TENT2: variants seen among roughly 807,000 people sequenced by gnomAD.
The protein encoded by TENT2 is poly(A) RNA polymerase GLD2.
A neutral mutation model predicts 72.2 loss-of-function variants in TENT2; 44 were observed. The ratio of observed to expected loss-of-function variants is 0.61; its 90% CI spans 0.48 to 0.78. The LOEUF (loss-of-function observed/expected upper bound fraction) is 0.78. TENT2 is among the 30% of genes least tolerant of loss of function. The pLI is 0.00. For missense variants in TENT2, 541 were observed against 569.6 expected (o/e 0.95, Z 0.51); for synonymous variants, 212 against 192.5 (o/e 1.10, Z -0.84).
chr5:79,665,314 T>G (rs533642444), intron 11 of TENT2, among the ~76,000 whole-genome samples: 1 of 152,324 alleles, frequency 6.6e-6, no homozygotes, highest in African/African-American at 2.4e-5. Flanking sequence ...CATCTTTGAC[T>G]TAAGCCTTTC....
At chr5:79,626,037 C>T (rs1429309480) in intron 4 of TENT2, among the ~76,000 whole-genome samples, 1 of 151,832 alleles carries the variant, frequency 6.6e-6, no homozygotes, top group Non-Finnish European at 1.5e-5. Context: ...CCATGTTGGT[C>T]AGGCTGGTCT....
At chr5:79,632,276 A>G (rs1226857381) in intron 4 of TENT2, among the ~76,000 whole-genome samples, 1 of 152,226 alleles carries the variant, frequency 6.6e-6, no homozygotes, top group East Asian at 1.9e-4. Flanking sequence ...GGATAAACAT[A>G]AAGAATTGAA....
chr5:79,648,919 C>A, intron 9 of TENT2, 143 bp from the exon 10 acceptor site: 2 of 1,014,866 alleles, frequency 2.0e-6, no homozygotes, highest in Non-Finnish European at 2.8e-6. Flanking sequence ...AAGTTTTAGA[C>A]ATAAGACACA....
intron 5 of TENT2, 29 bp from the exon 6 acceptor site, chr5:79,641,076 A>T: frequency 1.3e-6 from 2 of 1,530,984 alleles, no homozygotes; most frequent in South Asian, 1.3e-5. Context: ...GATTTTAAAT[A>T]CTCTTATTAC....
chr5:79,674,420 A>G (rs1161302493), intron 12 of TENT2, among the ~76,000 whole-genome samples: 1 of 152,082 alleles, frequency 6.6e-6, no homozygotes, highest in Non-Finnish European at 1.5e-5. Context: ...AACAAACAAA[A>G]TGTGAGGGGA....
chr5:79,637,402 CT>C (rs781335790), intron 4 of TENT2, among the ~76,000 whole-genome samples: 3 of 151,894 alleles, frequency 2.0e-5, no homozygotes, highest in African/African-American at 7.3e-5. Flanking sequence ...TTTGAGATGG[CT>C]TTTTCTGTAC....
At chr5:79,656,934 G>C in intron 10 of TENT2, 24 bp from the exon 11 acceptor site, 1 of 1,585,776 alleles carries the variant, frequency 6.3e-7, no homozygotes, top group East Asian at 2.3e-5. Flanking sequence ...AATCACGGAA[G>C]CTTTAAACTT....
At chr5:79,654,582 G>A (rs928503792) in intron 10 of TENT2, among the ~76,000 whole-genome samples, 2 of 152,018 alleles carry the variant, frequency 1.3e-5, no homozygotes, top group African/African-American at 4.8e-5. Flanking sequence ...TGGCCAACGT[G>A]GCGAAACCCT....
In TENT2 at chr5:79,615,709, C is replaced by CTT. The variant is rs368937590; in HGVS notation, c.-38+2645_-38+2646dup. ...TGGCAATCCAAGATTTTTCTTTTTT[C>CTT]TTTTTTTTTTTTGTTTTTGAGACAG... On this transcript the variant is annotated intron_variant, in intron 1 of 14. Transcript: ENST00000453514. Among the ~76,000 whole-genome samples the CTT allele has an allele frequency of 2.2e-3, 312 of 145,004 alleles. 3 individuals are homozygous for CTT. Among genetic ancestry groups the CTT allele is most frequent in the African/African-American group, 7.1e-3 (283 of 39,790 alleles).
chr5:79,621,568 C>A lies in TENT2; in HGVS notation c.227+1485C>A, dbSNP rs547219764. Among the ~76,000 whole-genome samples the A allele has an allele frequency of 4.7e-3, 721 of 151,902 alleles. 3 individuals are homozygous for A. Among genetic ancestry groups the A allele is most frequent in the African/African-American group, 0.017 (693 of 41,450 alleles). ...GGTCAGGAGATCGAGACCATCCTGG[C>A]TAACACAGTGAAACCCCATCTCTAC... On this transcript the variant is annotated intron_variant, in intron 3 of 14. Transcript: ENST00000453514.
intron 4 of TENT2, among the ~76,000 whole-genome samples, chr5:79,637,972 G>A (rs988264730): frequency 1.3e-5 from 2 of 151,602 alleles, no homozygotes; most frequent in African/African-American, 4.8e-5. Flanking sequence ...TAATTTTTTT[G>A]TATTTTTATT....
intron 11 of TENT2, among the ~76,000 whole-genome samples, chr5:79,667,307 G>A (rs767232493): frequency 5.3e-5 from 8 of 152,108 alleles, no homozygotes; most frequent in Non-Finnish European, 1.2e-4. Context: ...ATTAAACAGT[G>A]ACCTACTTAT....
At chr5:79,676,543 C>T (rs571505609) in intron 12 of TENT2, among the ~76,000 whole-genome samples, 6 of 152,072 alleles carry the variant, frequency 3.9e-5, no homozygotes, top group African/African-American at 1.4e-4. Flanking sequence ...ACTGGGATTG[C>T]GTCACTGCAC....
intron 10 of TENT2, among the ~76,000 whole-genome samples, chr5:79,650,840 T>G (rs975858784): frequency 6.6e-6 from 1 of 152,002 alleles, no homozygotes; most frequent in Non-Finnish European, 1.5e-5. Flanking sequence ...AGTGAGTCAC[T>G]TTTACTAGTA....
intron 4 of TENT2, 132 bp downstream of exon 4, chr5:79,623,621 G>C (rs1174284404): frequency 3.8e-6 from 2 of 521,532 alleles, no homozygotes; most frequent in East Asian, 6.6e-5. Flanking sequence ...GTACTATTCA[G>C]CCTAATTTTC....
chr5:79,643,724 C>T (rs1948763), intron 7 of TENT2, among the ~76,000 whole-genome samples: 30,716 of 151,914 alleles, frequency 0.2, 4,545 homozygotes, highest in African/African-American at 0.42. Context: ...TTCATACCTA[C>T]TTGAATTTTT....
intron 1 of TENT2, among the ~76,000 whole-genome samples, chr5:79,618,569 A>G (rs1464356816): frequency 6.6e-6 from 1 of 151,804 alleles, no homozygotes; most frequent in Non-Finnish European, 1.5e-5. Flanking sequence ...TGTTTTATAT[A>G]TGCAATGTCT....
intron 11 of TENT2, among the ~76,000 whole-genome samples, chr5:79,658,647 A>C (rs1162087594): frequency 6.6e-6 from 1 of 152,216 alleles, no homozygotes; most frequent in Non-Finnish European, 1.5e-5. Context: ...TTAGCAAAGG[A>C]GCTAATAAAC....
At chr5:79,667,019 A>G (rs1462925937) in intron 11 of TENT2, among the ~76,000 whole-genome samples, 2 of 152,214 alleles carry the variant, frequency 1.3e-5, no homozygotes, top group African/African-American at 2.4e-5. Context: ...GTGAAAAAGA[A>G]CAGTGAAGCT....
Sources: gnomAD v4.1 joint callset for allele counts (sites outside exome capture counted in the v4.1 genomes callset) on GRCh38, gnomAD v4.1.1 for gene constraint, MANE v1.5 for transcripts, NCBI Gene and HGNC (gene_info 2026-07-23, HGNC 2026-07-21) for gene names.